SORCS3: variants seen among roughly 807,000 people sequenced by gnomAD.
SORCS3 encodes the protein sortilin related VPS10 domain containing receptor 3, also known as VPS10 domain-containing receptor SorCS3.
Under a neutral mutation model 146.3 loss-of-function variants are expected in SORCS3, and 57 were observed. The observed-to-expected ratio is 0.39, with a 90% CI of 0.31 to 0.49. The LOEUF is 0.49. Ranked by LOEUF, SORCS3 falls within the 20% of genes least tolerant of loss-of-function variation. The pLI is 0.92. For synonymous variants in SORCS3, 653 were observed against 618.5 expected (o/e 1.06, Z -0.83); for missense variants, 1,341 against 1,575.5 (o/e 0.85, Z 2.52).
At chr10:105,091,024 A>C (rs147047268) in intron 6 of SORCS3, among the ~76,000 whole-genome samples, 2,110 of 152,190 alleles carry the variant, frequency 0.014, 19 homozygotes, top group Non-Finnish European at 0.022. Context: ...AAGAGTTAGA[A>C]GGTAATCAGA....
At chr10:105,036,761 C>T (rs535836363) in intron 4 of SORCS3, among the ~76,000 whole-genome samples, 1 of 152,296 alleles carries the variant, frequency 6.6e-6, no homozygotes, top group East Asian at 1.9e-4. Flanking sequence ...CCGTATAGCC[C>T]AGCCAAGCTT....
chr10:105,143,774 T>C (rs1342291506), intron 8 of SORCS3, among the ~76,000 whole-genome samples: 1 of 152,166 alleles, frequency 6.6e-6, no homozygotes. Flanking sequence ...TAAATCACGT[T>C]ATCTGAGGCA....
chr10:104,884,849 T>C (rs890534199), intron 2 of SORCS3, among the ~76,000 whole-genome samples: 2 of 152,268 alleles, frequency 1.3e-5, no homozygotes, highest in Non-Finnish European at 2.9e-5. Context: ...CTAGCTTTTT[T>C]TTTTTCCTCC....
intron 12 of SORCS3, among the ~76,000 whole-genome samples, chr10:105,165,136 C>G (rs2119521225): frequency 6.6e-6 from 1 of 152,226 alleles, no homozygotes; most frequent in South Asian, 2.1e-4. Context: ...ACAGTGTCAA[C>G]TAGGTGTCAG....
intron 13 of SORCS3, among the ~76,000 whole-genome samples, chr10:105,169,245 T>A (rs1213840978): frequency 2.0e-5 from 3 of 152,146 alleles, no homozygotes; most frequent in African/African-American, 7.2e-5. Flanking sequence ...GCTAATTTTC[T>A]ATATACTATA....
intron 4 of SORCS3, among the ~76,000 whole-genome samples, chr10:104,980,909 G>A (rs1410694497): frequency 1.3e-5 from 2 of 152,166 alleles, no homozygotes; most frequent in African/African-American, 4.8e-5. Context: ...ATCGAGAGAT[G>A]CACATCACAC....
At chr10:104,782,172 T>G (rs2017381267) in intron 1 of SORCS3, among the ~76,000 whole-genome samples, 1 of 152,220 alleles carries the variant, frequency 6.6e-6, no homozygotes, top group South Asian at 2.1e-4. Flanking sequence ...ATTTTAAACC[T>G]CACTTATGAT....
At chr10:105,236,058 T>A (rs2056791415) in intron 20 of SORCS3, among the ~76,000 whole-genome samples, 1 of 152,168 alleles carries the variant, frequency 6.6e-6, no homozygotes, top group South Asian at 2.1e-4. Context: ...CCCTTTTCTG[T>A]TTGCATTATA....
intron 1 of SORCS3, among the ~76,000 whole-genome samples, chr10:104,820,901 G>T (rs1259707669): frequency 2.0e-5 from 3 of 152,142 alleles, no homozygotes; most frequent in African/African-American, 7.2e-5. Context: ...TTGGAGAAGT[G>T]ATTTTGATCT....
intron 1 of SORCS3, among the ~76,000 whole-genome samples, chr10:104,684,787 T>G (rs898542262): frequency 1.3e-3 from 6 of 4,524 alleles, no homozygotes; most frequent in African/African-American, 3.2e-3. Context: ...GTGTTTTTTT[T>G]TTTTTTTTTT....
At chr10:104,725,088 T>G (rs1224374470) in intron 1 of SORCS3, among the ~76,000 whole-genome samples, 1 of 152,194 alleles carries the variant, frequency 6.6e-6, no homozygotes, top group African/African-American at 2.4e-5. Flanking sequence ...TGCTCTGTTT[T>G]TTCCCCATCT....
chr10:105,164,705 T>C (rs2056297827), intron 12 of SORCS3, among the ~76,000 whole-genome samples: 1 of 152,188 alleles, frequency 6.6e-6, no homozygotes. Flanking sequence ...ATCATTAGTG[T>C]GCCAAGAGTT....
intron 14 of SORCS3, among the ~76,000 whole-genome samples, chr10:105,193,956 T>C (rs148028146): frequency 6.6e-6 from 1 of 152,148 alleles, no homozygotes; most frequent in African/African-American, 2.4e-5. Context: ...TCTTGAGTGG[T>C]TGTCAAATAC....
intron 4 of SORCS3, among the ~76,000 whole-genome samples, chr10:104,992,776 T>G (rs780699982): frequency 6.6e-6 from 1 of 152,162 alleles, no homozygotes; most frequent in Non-Finnish European, 1.5e-5. Flanking sequence ...CTTTCAAAAC[T>G]CAAAGAAAAC....
rs145883987 is a variant in SORCS3, at chr10:105,201,198, C to A, written c.2206C>A (p.His736Asn). ...AGCTCAGTGTGCCCTGGGCCGAGAC[C>A]ACTCAGGATCAGTGGTCTCAGAACC... is the stretch of plus-strand genomic sequence containing the variant. The part of the protein sequence containing the change: ...PGAQCALGRD[H>N]SGSVVSEPCV... Residue 736 changes from histidine (H) to asparagine (N), a missense_variant, in exon 16 of 27, where the codon CAC becomes AAC. By Grantham distance (68) the His-to-Asn change is moderately conservative (BLOSUM62 1). Coordinates refer to ENST00000369701, the MANE Select transcript of SORCS3 (RefSeq NM_014978.3). 3.1e-6 allele frequency: 5 copies of A among 1,611,798 alleles called. No individual in the cohort carries two copies. Among genetic ancestry groups the A allele is most frequent in the Non-Finnish European group, 4.2e-6 (5 of 1,178,966 alleles).
chr10:105,205,136 C>A (rs536457838), intron 16 of SORCS3, among the ~76,000 whole-genome samples: 12 of 152,116 alleles, frequency 7.9e-5, no homozygotes, highest in Non-Finnish European at 1.3e-4. Flanking sequence ...GTTCAAGCCT[C>A]AGAGACAGCA....
chr10:104,889,155 C>A (rs1336586358), intron 2 of SORCS3, among the ~76,000 whole-genome samples: 2 of 151,052 alleles, frequency 1.3e-5, no homozygotes, highest in Non-Finnish European at 3.0e-5. Context: ...TTTACCCCAT[C>A]TTTTTGCTTT....
At chr10:104,978,571 A>G (rs2054915741) in intron 4 of SORCS3, among the ~76,000 whole-genome samples, 1 of 152,076 alleles carries the variant, frequency 6.6e-6, no homozygotes, top group Non-Finnish European at 1.5e-5. Context: ...TATCTTTAAT[A>G]TTTCCTTGTT....
At chr10:105,084,326 T>C (rs184641362) in intron 5 of SORCS3, among the ~76,000 whole-genome samples, 1 of 152,338 alleles carries the variant, frequency 6.6e-6, no homozygotes, top group African/African-American at 2.4e-5. Flanking sequence ...ATGGTCTCAA[T>C]ACCCATTAGC....
Sources: gnomAD v4.1 joint callset for allele counts (sites outside exome capture counted in the v4.1 genomes callset) on GRCh38, gnomAD v4.1.1 for gene constraint, MANE v1.5 for transcripts, NCBI Gene and HGNC (gene_info 2026-07-23, HGNC 2026-07-21) for gene names.